The following RBFOX1 variants were observed in gnomAD, a reference collection of about 807,000 sequenced individuals.
The protein encoded by RBFOX1 is RNA binding fox-1 homolog 1.
Under a neutral mutation model 57.7 loss-of-function variants are expected in RBFOX1, and 8 were observed. The ratio of observed to expected loss-of-function variants is 0.14; its 90% CI spans 0.08 to 0.25. The LOEUF (loss-of-function observed/expected upper bound fraction) is 0.25. RBFOX1 is among the 10% of genes least tolerant of loss of function. The pLI, the probability that RBFOX1 is intolerant of heterozygous loss-of-function variation, is 1.00. For missense variants in RBFOX1, 611 were observed against 548.5 expected (o/e 1.11, Z -1.14); for synonymous variants, 326 against 222.4 (o/e 1.47, Z -4.15).
chr16:7,088,738 A>C (rs1280988492), intron 4 of RBFOX1, among the ~76,000 whole-genome samples: 1 of 152,174 alleles, frequency 6.6e-6, no homozygotes, highest in Non-Finnish European at 1.5e-5. Context: ...GCATGTGTGA[A>C]TTTCTTATGC....
At chr16:6,236,071 C>G (rs914993205) in intron 1 of RBFOX1, among the ~76,000 whole-genome samples, 8 of 152,142 alleles carry the variant, frequency 5.3e-5, no homozygotes, top group African/African-American at 1.4e-4. Context: ...AAATGGGAGG[C>G]TATTTGCTGG....
chr16:7,271,383 A>T (rs1218301906), intron 4 of RBFOX1, among the ~76,000 whole-genome samples: 1 of 151,186 alleles, frequency 6.6e-6, no homozygotes, highest in African/African-American at 2.4e-5. Flanking sequence ...TCCCCAATCC[A>T]TGTAGTGATT....
At chr16:5,451,355 T>C (rs1195162936) in intron 1 of RBFOX1, among the ~76,000 whole-genome samples, 1 of 152,200 alleles carries the variant, frequency 6.6e-6, no homozygotes. Flanking sequence ...ATCTCCACTG[T>C]GGCGAAAAAT....
chr16:6,231,993 C>A (rs150063327), intron 1 of RBFOX1, among the ~76,000 whole-genome samples: 1 of 152,112 alleles, frequency 6.6e-6, no homozygotes, highest in Non-Finnish European at 1.5e-5. Flanking sequence ...ATTTGTACTT[C>A]CCTCGTTTGC....
chr16:7,594,507 G>T (rs191865921), intron 7 of RBFOX1, among the ~76,000 whole-genome samples: 16 of 152,224 alleles, frequency 1.1e-4, no homozygotes, highest in Admixed American at 5.9e-4. Flanking sequence ...ATAATGTGTC[G>T]TATTTTCTGT....
chr16:6,664,920 C>T (rs34894486), intron 3 of RBFOX1, among the ~76,000 whole-genome samples: 12,610 of 152,274 alleles, frequency 0.083, 609 homozygotes, highest in East Asian at 0.18. Context: ...ACAGCTGCAT[C>T]GTCTATAAAA....
chr16:5,276,299 T>G (rs2063138655), intron 1 of RBFOX1, among the ~76,000 whole-genome samples: 1 of 152,116 alleles, frequency 6.6e-6, no homozygotes, highest in Non-Finnish European at 1.5e-5. Flanking sequence ...AAAGGACTAA[T>G]GTCCAGAATC....
intron 5 of RBFOX1, among the ~76,000 whole-genome samples, chr16:7,548,445 T>G (rs1397202723): frequency 6.6e-6 from 1 of 152,228 alleles, no homozygotes; most frequent in African/African-American, 2.4e-5. Flanking sequence ...TATGAGCCAC[T>G]GCGCCTGGCC....
At chr16:5,478,263 A>G (rs1014825832) in intron 2 of RBFOX1, among the ~76,000 whole-genome samples, 4 of 151,684 alleles carry the variant, frequency 2.6e-5, no homozygotes, top group African/African-American at 7.3e-5. Flanking sequence ...TGATATTCAC[A>G]TTGTCCGATC....
chr16:6,447,672 A>T (rs1471372345), intron 2 of RBFOX1, among the ~76,000 whole-genome samples: 1 of 152,212 alleles, frequency 6.6e-6, no homozygotes, highest in African/African-American at 2.4e-5. Context: ...TTTGCTGATA[A>T]CAAGCGTTAA....
intron 4 of RBFOX1, among the ~76,000 whole-genome samples, chr16:7,281,593 G>A (rs938797984): frequency 6.6e-6 from 1 of 152,070 alleles, no homozygotes; most frequent in Non-Finnish European, 1.5e-5. Flanking sequence ...TCTGGTGTTG[G>A]AAGTCAGAGA....
intron 3 of RBFOX1, among the ~76,000 whole-genome samples, chr16:6,968,119 AC>A (rs1407400014): frequency 4.0e-5 from 6 of 151,848 alleles, no homozygotes; most frequent in Non-Finnish European, 4.4e-5. Context: ...TGAACTTGCA[AC>A]CCCGCACAGA....
intron 1 of RBFOX1, among the ~76,000 whole-genome samples, chr16:6,239,482 A>ACT (rs1598698237): frequency 1.0e-5 from 1 of 96,012 alleles, no homozygotes; most frequent in African/African-American, 3.8e-5. Context: ...TCTCCAACTG[A>ACT]CTCTTTTTTT....
chr16:5,346,721 CT>C (rs2065148825), intron 1 of RBFOX1, among the ~76,000 whole-genome samples: 1 of 152,128 alleles, frequency 6.6e-6, no homozygotes, highest in South Asian at 2.1e-4. Flanking sequence ...ATGACCCTCG[CT>C]TGTGGAAGGA....
chr16:5,242,502 CT>C (rs1411285988), intron 1 of RBFOX1, among the ~76,000 whole-genome samples: 1 of 152,208 alleles, frequency 6.6e-6, no homozygotes, highest in Non-Finnish European at 1.5e-5. Flanking sequence ...TGGGAATACT[CT>C]CTTTGAAGAA....
intron 3 of RBFOX1, among the ~76,000 whole-genome samples, chr16:6,782,615 C>G (rs1373657214): frequency 1.3e-5 from 2 of 152,008 alleles, no homozygotes; most frequent in African/African-American, 4.8e-5. Flanking sequence ...TTGGATTTTT[C>G]TGAATTTCTG....
chr16:7,518,109 G>A (rs1447854424), intron 4 of RBFOX1, 38 bp from the exon 5 acceptor site: 2 of 1,583,684 alleles, frequency 1.3e-6, no homozygotes, highest in Non-Finnish European at 1.7e-6. Context: ...GGCTCCTCAT[G>A]ACGTTCTCTC....
chr16:6,592,967 C>T lies in RBFOX1; in HGVS notation c.-63-61636C>T, dbSNP rs146129422. Among the ~76,000 whole-genome samples, 1,300 of 152,126 alleles carry T rather than the reference C, an allele frequency of 8.5e-3. 33 individuals carry two copies. Among genetic ancestry groups the T allele is most frequent in the African/African-American group, 0.03 (1,247 of 41,496 alleles). ...CAGCACCTTGGGAGGCTGAGGCAAGCGGATCATCTGAGGTCAGGAGTTCAC... is the reference window on the plus strand; with the variant it reads ...CAGCACCTTGGGAGGCTGAGGCAAGTGGATCATCTGAGGTCAGGAGTTCAC... On this transcript the variant is annotated intron_variant, in intron 2 of 15. Transcript: ENST00000550418.
chr16:6,755,463 G>A (rs563783485), intron 3 of RBFOX1, among the ~76,000 whole-genome samples: 2 of 152,242 alleles, frequency 1.3e-5, no homozygotes, highest in South Asian at 2.1e-4. Flanking sequence ...GTGATGGTGA[G>A]CATTTTTTCA....
Sources: allele counts gnomAD v4.1 joint callset (sites outside exome capture counted in the v4.1 genomes callset), GRCh38; gene constraint gnomAD v4.1.1; transcripts MANE v1.5; gene names NCBI Gene and HGNC (gene_info 2026-07-23, HGNC 2026-07-21).